Variants in WWC1 observed in about 807,000 individuals in gnomAD.
WWC1 encodes WW and C2 domain containing 1, also known as protein KIBRA.
Under a neutral mutation model 138.4 loss-of-function variants are expected in WWC1, and 55 were observed. The observed-to-expected ratio is 0.40, with a 90% CI of 0.32 to 0.50. WWC1 has a LOEUF of 0.50. Among genes scored for constraint, WWC1 ranks in the 20% least tolerant of loss-of-function variants. WWC1 has a pLI of 0.72. For synonymous variants in WWC1, 524 were observed against 564.9 expected (o/e 0.93, Z 1.03); for missense variants, 1,226 against 1,420.4 (o/e 0.86, Z 2.20).
chr5:168,428,297 A>T (rs1291256389), intron 12 of WWC1, among the ~76,000 whole-genome samples, 156 bp downstream of exon 12: 3 of 152,200 alleles, frequency 2.0e-5, no homozygotes, highest in Non-Finnish European at 2.9e-5. Context: ...TGGCTGCCCA[A>T]GGCACAGACA....
intron 17 of WWC1, among the ~76,000 whole-genome samples, chr5:168,452,403 C>T (rs986160419): frequency 6.6e-6 from 1 of 152,100 alleles, no homozygotes. Flanking sequence ...GCTGGGACCT[C>T]ATACGAGGAT....
intron 5 of WWC1, among the ~76,000 whole-genome samples, chr5:168,405,937 A>G (rs78714916): frequency 0.26 from 39,741 of 151,742 alleles, 5,409 homozygotes; most frequent in Middle Eastern, 0.3. Context: ...ATGTTGCTCA[A>G]GTTAGTCTTG....
chr5:168,383,540 C>T (rs1331373297), intron 2 of WWC1, among the ~76,000 whole-genome samples: 1 of 152,144 alleles, frequency 6.6e-6, no homozygotes, highest in Non-Finnish European at 1.5e-5. Flanking sequence ...CTCCAGTGTT[C>T]CCCGGGCTAG....
At position 168,359,118 on chromosome 5, in the gene WWC1, C is replaced by T. The variant is rs186584138; in HGVS notation, c.120-12306C>T. ...TCACCCAGGCTGGAGTGCAGTGGCA[C>T]GATCTGGGTTCACTGCAACCTCTAC... On this transcript the variant is annotated intron_variant, in intron 1 of 22. Coordinates refer to ENST00000265293, the MANE Select transcript of WWC1 (RefSeq NM_015238.3). Among the ~76,000 whole-genome samples the T allele has an allele frequency of 1.2e-4, 18 of 151,828 alleles. No individual in the cohort carries two copies. In the East Asian group the frequency reaches 2.7e-3, roughly 23 times the overall value.
intron 21 of WWC1, among the ~76,000 whole-genome samples, chr5:168,465,482 G>A (rs970038652): frequency 2.0e-5 from 3 of 146,828 alleles, no homozygotes; most frequent in African/African-American, 7.6e-5. Flanking sequence ...GGGATTTAGG[G>A]GTTGATCAAG....
At position 168,409,967 on chromosome 5, in the gene WWC1, C is replaced by T. The variant is rs773252700; in HGVS notation, c.913C>T (p.Arg305Cys). 21 of 1,613,828 alleles carry T rather than the reference C, an allele frequency of 1.3e-5. No homozygotes were observed. Among genetic ancestry groups the T allele is most frequent in the Admixed American group, 3.3e-5 (2 of 59,982 alleles). ...TCAGTTGGCAGAGAAGGTCAGATTGCGCCTTCGATATGAAGAGGCTAAGAG... is the reference window on the plus strand; with the variant it reads ...TCAGTTGGCAGAGAAGGTCAGATTGTGCCTTCGATATGAAGAGGCTAAGAG... ...NNQLAEKVRL[R>C]LRYEEAKRRI... The change falls in exon 8 of 23, where the codon CGC (arginine) becomes TGC (cysteine). Residue 305 changes from arginine (R) to cysteine (C), a missense_variant. Physicochemically the swap from Arg to Cys is radical, Grantham distance 180. This residue lies in a region of WWC1 where 1,016 missense variants were observed against 1,153.9 expected (regional missense o/e 0.88). Coordinates refer to ENST00000265293, the MANE Select transcript of WWC1 (RefSeq NM_015238.3).
At chr5:168,468,889 C>T in intron 22 of WWC1, 62 bp from the exon 23 acceptor site, 1 of 1,565,532 alleles carries the variant, frequency 6.4e-7, no homozygotes, top group Non-Finnish European at 8.8e-7. Context: ...AATTATCCTG[C>T]CCAGAATCTC....
At chr5:168,321,492 G>A (rs1187467755) in intron 1 of WWC1, among the ~76,000 whole-genome samples, 2 of 151,916 alleles carry the variant, frequency 1.3e-5, no homozygotes, top group African/African-American at 2.4e-5. Flanking sequence ...CTCCCTGAAG[G>A]GGGACAGGTT....
At chr5:168,428,653 A>G in intron 12 of WWC1, 54 bp from the exon 13 acceptor site, 2 of 1,568,514 alleles carry the variant, frequency 1.3e-6, no homozygotes, top group Non-Finnish European at 1.8e-6. Flanking sequence ...AGCCTCCCAG[A>G]ATAGTTTGTT....
At chr5:168,376,959 G>C (rs983132630) in intron 2 of WWC1, among the ~76,000 whole-genome samples, 1 of 152,158 alleles carries the variant, frequency 6.6e-6, no homozygotes, top group Non-Finnish European at 1.5e-5. Flanking sequence ...CCAGAAAAGA[G>C]TCCAAACGGC....
At chr5:168,374,261 T>G (rs1384977665) in intron 2 of WWC1, among the ~76,000 whole-genome samples, 1 of 152,050 alleles carries the variant, frequency 6.6e-6, no homozygotes, top group Non-Finnish European at 1.5e-5. Flanking sequence ...ATAAGTAGAT[T>G]ATGTAGTATG....
intron 3 of WWC1, among the ~76,000 whole-genome samples, chr5:168,392,233 C>A (rs115879148): frequency 0.012 from 1,870 of 152,160 alleles, 30 homozygotes; most frequent in African/African-American, 0.043. Context: ...GAGACCTTAG[C>A]CCTCATATAC....
At chr5:168,368,991 G>A (rs1776533090) in intron 1 of WWC1, among the ~76,000 whole-genome samples, 1 of 152,120 alleles carries the variant, frequency 6.6e-6, no homozygotes, top group Admixed American at 6.5e-5. Context: ...ACTCCAAAAT[G>A]GTAGTTTGTG....
intron 1 of WWC1, among the ~76,000 whole-genome samples, chr5:168,318,610 A>C (rs924358491): frequency 1.5e-5 from 2 of 137,594 alleles, no homozygotes; most frequent in Non-Finnish European, 3.0e-5. Context: ...CCCAGGCTGG[A>C]GTTCAATGGC....
intron 5 of WWC1, among the ~76,000 whole-genome samples, chr5:168,404,451 G>C (rs1409339916): frequency 6.6e-6 from 1 of 152,238 alleles, no homozygotes; most frequent in African/African-American, 2.4e-5. Context: ...CATAAACGGG[G>C]CTTTGTTTTC....
intron 6 of WWC1, among the ~76,000 whole-genome samples, chr5:168,406,833 T>C (rs1779833750): frequency 6.6e-6 from 1 of 151,902 alleles, no homozygotes; most frequent in Non-Finnish European, 1.5e-5. Flanking sequence ...TCCCAGCTAC[T>C]CGGGAGGCTG....
intron 15 of WWC1, among the ~76,000 whole-genome samples, chr5:168,438,487 A>G (rs1023930468): frequency 1.3e-5 from 2 of 152,220 alleles, no homozygotes; most frequent in African/African-American, 4.8e-5. Flanking sequence ...CTCCCCAGCC[A>G]TGCTGAACTG....
intron 4 of WWC1, among the ~76,000 whole-genome samples, chr5:168,398,046 G>T (rs1314120972): frequency 2.0e-5 from 3 of 151,980 alleles, no homozygotes; most frequent in Non-Finnish European, 2.9e-5. Flanking sequence ...ATTATCTCGT[G>T]TCTATGAAGT....
intron 1 of WWC1, among the ~76,000 whole-genome samples, chr5:168,343,795 C>T (rs1297602127): frequency 7.1e-6 from 1 of 141,746 alleles, no homozygotes; most frequent in Non-Finnish European, 1.5e-5. Flanking sequence ...GCAGCCTGGG[C>T]GACACAGTGA....
Sources: allele counts gnomAD v4.1 joint callset (sites outside exome capture counted in the v4.1 genomes callset), GRCh38; gene constraint gnomAD v4.1.1; regional missense constraint gnomAD v4.1.1; transcripts MANE v1.5; gene names NCBI Gene and HGNC (gene_info 2026-07-23, HGNC 2026-07-21).